The following KCNJ4 variants were observed in gnomAD, a reference collection of about 807,000 sequenced individuals.
KCNJ4 encodes the protein inward rectifier potassium channel 4.
A neutral mutation model predicts 25.6 loss-of-function variants in KCNJ4; 3 were observed. That is an observed-to-expected ratio of 0.12 (90% CI 0.05 to 0.30). The LOEUF is 0.30. KCNJ4 is among the 10% of genes least tolerant of loss of function. The pLI, the probability that KCNJ4 is intolerant of heterozygous loss-of-function variation, is 1.00. For missense variants in KCNJ4, 286 were observed against 666.8 expected (o/e 0.43, Z 6.29); for synonymous variants, 257 against 283.9 (o/e 0.91, Z 0.95).
At chr22:38,452,361 C>T (rs2089414912) in intron 1 of KCNJ4, among the ~76,000 whole-genome samples, 1 of 152,168 alleles carries the variant, frequency 6.6e-6, no homozygotes, top group South Asian at 2.1e-4. Flanking sequence ...GGCAACATGA[C>T]CTGACTTTCT....
chr22:38,427,966 C>T lies in KCNJ4; in HGVS notation c.167G>A (p.Arg56His). The T allele has an allele frequency of 1.2e-6, 2 of 1,614,178 alleles. No individual in the cohort carries two copies. Among genetic ancestry groups the T allele is most frequent in the Non-Finnish European group, 1.7e-6 (2 of 1,180,000 alleles). ...CGCGGAGAAGATCATGAGCATGTAG[C>T]GCCAGCGCGTGTCCACGCAGGTGGT... is the stretch of plus-strand genomic sequence containing the variant. ...IFTTCVDTRW[R>H]YMLMIFSAAF... The change falls in exon 2 of 2, where the codon CGC (arginine) becomes CAC (histidine). Residue 56 changes from arginine (R) to histidine (H), a missense_variant. By Grantham distance (29) the Arg-to-His change is conservative. Around this residue, in one of 11 missense-constraint regions of KCNJ4, gnomAD observed 36 missense variants for 103.2 expected, o/e 0.35. Transcript: ENST00000303592.
In KCNJ4 at chr22:38,447,782, C is replaced by T. The variant is rs962170703; in HGVS notation, c.-40+7198G>A. ...CCTGTGGCCCAGCTAAAGAACCCTCCCGTCCGGGTGCAGTGGCTCACCCCT... is the reference window on the plus strand; with the variant it reads ...CCTGTGGCCCAGCTAAAGAACCCTCTCGTCCGGGTGCAGTGGCTCACCCCT... On this transcript the variant is annotated intron_variant, in intron 1 of 1. Transcript: ENST00000303592. Among the ~76,000 whole-genome samples, 7 of 152,124 alleles carry T rather than the reference C, an allele frequency of 4.6e-5. No individual in the cohort carries two copies. In the South Asian group the frequency reaches 8.3e-4, roughly 18 times the overall value.
rs1267962427 is a variant in KCNJ4, at chr22:38,443,703, G to A, written c.-40+11277C>T. On this transcript the variant is annotated intron_variant, in intron 1 of 1. Transcript: ENST00000303592. The surrounding 1 kb of genome is among the most constrained non-coding windows in gnomAD (Gnocchi z 4.1). ...AGCTTGCCCAAAGCGGGTGAACCTC[G>A]GGGCCCCGGACACGTCCCCTCACCT... is the stretch of plus-strand genomic sequence containing the variant. 6.6e-6 allele frequency among the ~76,000 whole-genome samples: 1 copy of A among 152,104 alleles called. No individual in the cohort carries two copies. The highest frequency in any genetic ancestry group is 1.9e-4 in the East Asian group (1 of 5,192).
intron 1 of KCNJ4, among the ~76,000 whole-genome samples, chr22:38,433,342 A>G (rs2145935380): frequency 6.6e-6 from 1 of 152,236 alleles, no homozygotes; most frequent in Non-Finnish European, 1.5e-5. Context: ...GCTACTCGGG[A>G]GGCTGAGGCA....
chr22:38,431,657 C>A (rs1334927959), intron 1 of KCNJ4, among the ~76,000 whole-genome samples: 1 of 152,202 alleles, frequency 6.6e-6, no homozygotes, highest in Non-Finnish European at 1.5e-5. Context: ...ACATCCCATC[C>A]CCCTGAAAAC....
At position 38,430,021 on chromosome 22, in the gene KCNJ4, G is replaced by A. The variant is rs751754133; in HGVS notation, c.-39-1850C>T. On this transcript the variant is annotated intron_variant, in intron 1 of 1. Transcript: ENST00000303592. ...TTCCCAAGAGAAACTCCCTCTCCGG[G>A]CCCAGGGAGAGTGAGCCCTGCCCCC... Among the ~76,000 whole-genome samples the A allele has an allele frequency of 5.9e-5, 9 of 152,118 alleles. 1 individual carries two copies. Among genetic ancestry groups the A allele is most frequent in the Non-Finnish European group, 8.8e-5 (6 of 68,002 alleles).
chr22:38,447,969 C>T (rs993674012), intron 1 of KCNJ4, among the ~76,000 whole-genome samples: 5 of 148,850 alleles, frequency 3.4e-5, no homozygotes, highest in East Asian at 2.0e-4. Flanking sequence ...GAGGCTGAGG[C>T]GGAAGAATCA....
Position 38,443,167 on chromosome 22 carries a change from G to C in KCNJ4, c.-40+11813C>G, listed in dbSNP as rs112103113. 6.6e-6 allele frequency among the ~76,000 whole-genome samples: 1 copy of C among 151,968 alleles called. No homozygotes were observed. The highest frequency in any genetic ancestry group is 2.1e-4 in the South Asian group (1 of 4,822). ...TGATGGAGGCTCTGGACTGGCCCTC[G>C]TTTTCCTCCTTGAGTCCTCCAGGCC... On this transcript the variant is annotated intron_variant, in intron 1 of 1. Coordinates refer to ENST00000303592, the MANE Select transcript of KCNJ4 (RefSeq NM_152868.3). This position sits in a 1 kb window ranked among gnomAD's most constrained non-coding sequence, Gnocchi z 4.1.
chr22:38,426,945 C>T lies in KCNJ4; in HGVS notation c.1188G>A (p.Ala396=), dbSNP rs765687741. The change falls in exon 2 of 2, where the codon GCG becomes GCA. Residue 396 remains alanine (A), a synonymous_variant. Transcript: ENST00000303592. ...EMEEEAAAAA[A]VAAGLGLEAG... ...CCTCCAGGCCCAGGCCTGCGGCCACCGCGGCCGCCGCAGCTGCCTCCTCCT... is the reference window on the plus strand; with the variant it reads ...CCTCCAGGCCCAGGCCTGCGGCCACTGCGGCCGCCGCAGCTGCCTCCTCCT... 33 of 1,612,292 alleles carry T rather than the reference C, an allele frequency of 2.0e-5. No individual in the cohort carries two copies. Among genetic ancestry groups the T allele is most frequent in the Non-Finnish European group, 2.4e-5 (28 of 1,179,750 alleles).
At chr22:38,452,180 G>A (rs1025617339) in intron 1 of KCNJ4, among the ~76,000 whole-genome samples, 1 of 152,170 alleles carries the variant, frequency 6.6e-6, no homozygotes, top group Non-Finnish European at 1.5e-5. Context: ...AGAACTTAAG[G>A]GCACCTTCTT....
In KCNJ4 at chr22:38,428,102, G is replaced by A; in HGVS notation, c.31C>T (p.His11Tyr). The change falls in exon 2 of 2, where the codon CAC (histidine) becomes TAC (tyrosine). Residue 11 changes from histidine (H) to tyrosine (Y), a missense_variant. His to Tyr is a moderately conservative substitution (Grantham distance 83). Coordinates refer to ENST00000303592, the MANE Select transcript of KCNJ4 (RefSeq NM_152868.3). ...TTGCGGCGCTTCCGCCGGGGCACGT[G>A]GGCCTGGCCGTTGCGGCTGTGTCCG... Reference protein sequence around the residue: MHGHSRNGQAHVPRRKRRNRF... With the variant: MHGHSRNGQAYVPRRKRRNRF... 1 of 1,613,072 alleles carries A rather than the reference G, an allele frequency of 6.2e-7. No individual in the cohort carries two copies. The highest frequency in any genetic ancestry group is 8.5e-7 in the Non-Finnish European group (1 of 1,179,494).
At chr22:38,428,240 A>G (rs894278977) in intron 1 of KCNJ4, 69 bp from the exon 2 acceptor site, 1 of 1,382,934 alleles carries the variant, frequency 7.2e-7, no homozygotes, top group South Asian at 1.4e-5. Context: ...ACTCAGACTC[A>G]GCCCCAAGAC....
intron 1 of KCNJ4, among the ~76,000 whole-genome samples, chr22:38,446,128 C>T (rs1405357306): frequency 6.6e-6 from 1 of 152,236 alleles, no homozygotes; most frequent in Non-Finnish European, 1.5e-5. Flanking sequence ...AGGGCGCTCA[C>T]CCACTTCTCA....
rs144206870 is a variant in KCNJ4, at chr22:38,444,300, C to T, written c.-40+10680G>A. 3.3e-4 allele frequency among the ~76,000 whole-genome samples: 51 copies of T among 152,280 alleles called. No individual in the cohort carries two copies. The East Asian group carries it at 3.7e-3, about 11-fold the overall frequency. ...AGATAACCCAGCCCGTCAAAATTCC[C>T]GGAAAGGGTCTAACTGGGTCATGTG... On this transcript the variant is annotated intron_variant, in intron 1 of 1. Transcript: ENST00000303592.
intron 1 of KCNJ4, among the ~76,000 whole-genome samples, chr22:38,434,764 A>AT (rs1240023695): frequency 2.6e-5 from 4 of 152,150 alleles, no homozygotes; most frequent in Non-Finnish European, 5.9e-5. Context: ...TCTGTTCAAT[A>AT]TGAGAAAATG....
At chr22:38,445,582 C>T (rs2089368114) in intron 1 of KCNJ4, among the ~76,000 whole-genome samples, 1 of 152,164 alleles carries the variant, frequency 6.6e-6, no homozygotes, top group African/African-American at 2.4e-5. Context: ...GGGTTCTTGC[C>T]ATCCTCCCGC....
intron 1 of KCNJ4, among the ~76,000 whole-genome samples, chr22:38,438,545 C>T (rs1413542076): frequency 4.0e-5 from 6 of 148,848 alleles, no homozygotes; most frequent in Non-Finnish European, 8.9e-5. Flanking sequence ...AAAAGTTAGC[C>T]GGGCGTGGTG....
intron 1 of KCNJ4, among the ~76,000 whole-genome samples, chr22:38,444,557 G>A (rs543297307): frequency 2.0e-5 from 3 of 152,320 alleles, no homozygotes; most frequent in African/African-American, 4.8e-5. Flanking sequence ...CAGGGGCTCG[G>A]GGGAGGATGT....
At position 38,449,075 on chromosome 22, in the gene KCNJ4, C is replaced by A. The variant is rs2089395212; in HGVS notation, c.-40+5905G>T. On this transcript the variant is annotated intron_variant, in intron 1 of 1. Coordinates refer to ENST00000303592, the MANE Select transcript of KCNJ4 (RefSeq NM_152868.3). This position sits in a 1 kb window ranked among gnomAD's most constrained non-coding sequence, Gnocchi z 5.2. ...GCCAATGTCTCTCTGGGGCACCTCACCCTCCCCTGCCTGCCAAGGCCAGAC... is the reference window on the plus strand; with the variant it reads ...GCCAATGTCTCTCTGGGGCACCTCAACCTCCCCTGCCTGCCAAGGCCAGAC... 6.6e-6 allele frequency among the ~76,000 whole-genome samples: 1 copy of A among 152,210 alleles called. No homozygotes were observed. Among genetic ancestry groups the A allele is most frequent in the South Asian group, 2.1e-4 (1 of 4,834 alleles).
Sources: gnomAD v4.1 joint callset for allele counts (sites outside exome capture counted in the v4.1 genomes callset) on GRCh38, gnomAD v4.1.1 for gene constraint, gnomAD v4.1.1 regional missense constraint, Gnocchi (gnomAD v3.1) non-coding constraint, MANE v1.5 for transcripts, NCBI Gene and HGNC (gene_info 2026-07-23, HGNC 2026-07-21) for gene names.